Variants in NLGN1 observed in about 807,000 individuals in gnomAD.
The protein encoded by NLGN1 is neuroligin-1.
NLGN1 carries 12 observed loss-of-function variants against 65.5 expected under a neutral mutation model. That is an observed-to-expected ratio of 0.18 (90% CI 0.12 to 0.30). The LOEUF is 0.30. NLGN1 is among the 10% of genes least tolerant of loss of function. The pLI, the probability that NLGN1 is intolerant of heterozygous loss-of-function variation, is 1.00. For synonymous variants in NLGN1, 350 were observed against 359.5 expected (o/e 0.97, Z 0.30); for missense variants, 750 against 1,007.1 (o/e 0.74, Z 3.46).
intron 4 of NLGN1, among the ~76,000 whole-genome samples, chr3:173,873,376 AC>A (rs1488483502): frequency 6.6e-6 from 1 of 152,148 alleles, no homozygotes; most frequent in African/African-American, 2.4e-5. Flanking sequence ...GACGTGAGCC[AC>A]CACACCTGGC....
chr3:174,129,016 T>C (rs1245530898), intron 4 of NLGN1, among the ~76,000 whole-genome samples: 1 of 152,078 alleles, frequency 6.6e-6, no homozygotes. Flanking sequence ...ACCTGGACAT[T>C]ATAGGTAACA....
intron 3 of NLGN1, among the ~76,000 whole-genome samples, chr3:173,696,203 A>G (rs906716180): frequency 1.3e-5 from 2 of 152,212 alleles, no homozygotes; most frequent in African/African-American, 2.4e-5. Flanking sequence ...CAATTCAAGA[A>G]AAGAGTGAAC....
intron 4 of NLGN1, among the ~76,000 whole-genome samples, chr3:174,242,664 A>G (rs1286008967): frequency 6.6e-6 from 1 of 152,162 alleles, no homozygotes; most frequent in East Asian, 1.9e-4. Flanking sequence ...AGAACCATCT[A>G]GTTGCAAGAA....
At chr3:173,921,140 G>A (rs983121646) in intron 4 of NLGN1, among the ~76,000 whole-genome samples, 3 of 147,618 alleles carry the variant, frequency 2.0e-5, no homozygotes, top group Admixed American at 6.8e-5. Context: ...GATTTCACTC[G>A]AATTTGGTCC....
At chr3:173,953,392 G>T (rs575195856) in intron 4 of NLGN1, among the ~76,000 whole-genome samples, 1 of 152,186 alleles carries the variant, frequency 6.6e-6, no homozygotes, top group Admixed American at 6.5e-5. Flanking sequence ...AGAAAAAAAG[G>T]TATTGTTATG....
chr3:174,174,676 T>G (rs1429973024), intron 4 of NLGN1, among the ~76,000 whole-genome samples: 1 of 152,058 alleles, frequency 6.6e-6, no homozygotes, highest in Non-Finnish European at 1.5e-5. Context: ...TGGGATTGTT[T>G]TTTTCTTGCT....
intron 4 of NLGN1, among the ~76,000 whole-genome samples, chr3:174,265,723 G>C (rs919503023): frequency 6.8e-6 from 1 of 146,416 alleles, no homozygotes; most frequent in South Asian, 2.1e-4. Flanking sequence ...TTTGTTTATT[G>C]TATAACAAAA....
chr3:174,084,676 A>T (rs1322883369), intron 4 of NLGN1, among the ~76,000 whole-genome samples: 1 of 152,072 alleles, frequency 6.6e-6, no homozygotes, highest in African/African-American at 2.4e-5. Flanking sequence ...CCACCTAATA[A>T]CTTCTCTGAG....
intron 4 of NLGN1, among the ~76,000 whole-genome samples, chr3:174,199,145 C>G (rs1329379746): frequency 6.6e-6 from 1 of 152,126 alleles, no homozygotes; most frequent in Non-Finnish European, 1.5e-5. Flanking sequence ...CCGCGCCCGT[C>G]CTGCATATTC....
chr3:173,842,081 A>G (rs1724883730), intron 4 of NLGN1, among the ~76,000 whole-genome samples: 1 of 152,182 alleles, frequency 6.6e-6, no homozygotes, highest in Admixed American at 6.6e-5. Flanking sequence ...AGCAAGGAGG[A>G]GCAAGTCACA....
chr3:173,423,883 C>T (rs902794962), intron 1 of NLGN1, among the ~76,000 whole-genome samples: 1 of 152,222 alleles, frequency 6.6e-6, no homozygotes, highest in Non-Finnish European at 1.5e-5. Flanking sequence ...TCCAGCCCCA[C>T]ATTTCCCTTC....
chr3:173,740,084 T>C (rs1308440687), intron 3 of NLGN1, among the ~76,000 whole-genome samples: 1 of 152,128 alleles, frequency 6.6e-6, no homozygotes. Flanking sequence ...ATTTTGGTTG[T>C]GTAGCCTCAG....
intron 4 of NLGN1, among the ~76,000 whole-genome samples, chr3:174,093,850 T>C (rs1744968771): frequency 6.6e-6 from 1 of 152,320 alleles, no homozygotes; most frequent in Admixed American, 6.5e-5. Flanking sequence ...CTCCAACATA[T>C]ATGCATTCTA....
chr3:173,614,617 G>C (rs150026509), intron 3 of NLGN1, among the ~76,000 whole-genome samples: 45 of 152,188 alleles, frequency 3.0e-4, no homozygotes, highest in Middle Eastern at 3.4e-3. Context: ...CAAGGAGGCA[G>C]ATCCTGAGGT....
At chr3:174,067,838 A>G (rs1222156093) in intron 4 of NLGN1, among the ~76,000 whole-genome samples, 1 of 152,210 alleles carries the variant, frequency 6.6e-6, no homozygotes, top group Non-Finnish European at 1.5e-5. Flanking sequence ...CGTAAATATT[A>G]AAGAAAGTAA....
At chr3:173,432,942 G>A (rs1044476391) in intron 1 of NLGN1, among the ~76,000 whole-genome samples, 2 of 152,034 alleles carry the variant, frequency 1.3e-5, no homozygotes, top group African/African-American at 4.8e-5. Context: ...AGTGGACAGA[G>A]TTAGGAAATA....
intron 4 of NLGN1, among the ~76,000 whole-genome samples, chr3:173,873,515 G>T (rs1731565425): frequency 6.6e-6 from 1 of 152,196 alleles, no homozygotes; most frequent in Admixed American, 6.6e-5. Context: ...AAAGACAGAA[G>T]CATGTGTAAT....
intron 4 of NLGN1, among the ~76,000 whole-genome samples, chr3:174,002,075 G>T (rs925081684): frequency 4.7e-5 from 7 of 148,860 alleles, no homozygotes; most frequent in African/African-American, 1.7e-4. Context: ...AAAAAAACAA[G>T]ATTAGGGCCC....
chr3:173,514,913 A>G (rs1465943626), intron 2 of NLGN1, among the ~76,000 whole-genome samples: 2 of 152,186 alleles, frequency 1.3e-5, no homozygotes, highest in Non-Finnish European at 2.9e-5. Context: ...TTATATGTTG[A>G]TAGACATCTA....
Sources: allele counts gnomAD v4.1 joint callset (sites outside exome capture counted in the v4.1 genomes callset), GRCh38; gene constraint gnomAD v4.1.1; transcripts MANE v1.5; gene names NCBI Gene and HGNC (gene_info 2026-07-23, HGNC 2026-07-21).